Variants in STK10 observed in about 807,000 individuals in gnomAD.
STK10 encodes serine/threonine-protein kinase 10.
A neutral mutation model predicts 113.8 loss-of-function variants in STK10; 78 were observed. That is an observed-to-expected ratio of 0.69 (90% CI 0.57 to 0.83). The LOEUF is 0.83. Among genes scored for constraint, STK10 ranks in the 40% least tolerant of loss-of-function variants. The pLI, the probability that STK10 is intolerant of heterozygous loss-of-function variation, is 0.00. For missense variants in STK10, 1,109 were observed against 1,280.1 expected (o/e 0.87, Z 2.04); for synonymous variants, 465 against 494.7 (o/e 0.94, Z 0.80).
intron 13 of STK10, chr5:172,063,478 T>G (rs1436569038): frequency 6.6e-6 from 1 of 152,206 alleles, no homozygotes; most frequent in Non-Finnish European, 1.5e-5. Flanking sequence ...TGATAACTCC[T>G]TCAGGATTTT....
At chr5:172,087,951 A>G (rs1277552197) in intron 10 of STK10, among the ~76,000 whole-genome samples, 1 of 151,524 alleles carries the variant, frequency 6.6e-6, no homozygotes. Flanking sequence ...TGAGAGATAG[A>G]GTCTTGCTCT....
chr5:172,087,897 G>C (rs1327658506), intron 10 of STK10, among the ~76,000 whole-genome samples: 1 of 147,006 alleles, frequency 6.8e-6, no homozygotes, highest in East Asian at 2.0e-4. Context: ...CAAAGTGCTG[G>C]GATTACAGGC....
Position 172,053,005 on chromosome 5 carries a change from T to A in STK10, c.2690A>T (p.Gln897Leu), listed in dbSNP as rs966730340. The A allele has an allele frequency of 3.1e-5, 50 of 1,614,198 alleles. No homozygotes were observed. Among genetic ancestry groups the A allele is most frequent in the Non-Finnish European group, 4.2e-5 (50 of 1,180,036 alleles). Residue 897 changes from glutamine (Q) to leucine (L), a missense_variant, in exon 18 of 19, where the codon CAG becomes CTG. Physicochemically the swap from Gln to Leu is moderately radical, Grantham distance 113. Around this residue, in one of 5 missense-constraint regions of STK10, gnomAD observed 885 missense variants for 991.1 expected, o/e 0.89. Coordinates refer to ENST00000176763, the MANE Select transcript of STK10 (RefSeq NM_005990.4). ...KCHLLVEHET[Q>L]KLKALDESHN... is the part of the protein sequence containing the mutation. ...GCTCTCATCCAGGGCCTTCAGTTTCTGGGTTTCGTGCTCTACCAGGAGGTG... is the reference window on the plus strand; with the variant it reads ...GCTCTCATCCAGGGCCTTCAGTTTCAGGGTTTCGTGCTCTACCAGGAGGTG...
At chr5:172,090,827 T>TG (rs962807048) in intron 9 of STK10, among the ~76,000 whole-genome samples, 1 of 149,052 alleles carries the variant, frequency 6.7e-6, no homozygotes, top group Admixed American at 6.9e-5. Context: ...CACAGCTACT[T>TG]GGGAGGCTGA....
chr5:172,188,140 C>T lies in STK10; in HGVS notation c.-98G>A. 6.7e-7 allele frequency: 1 copy of T among 1,499,888 alleles called. No homozygotes were observed. Among genetic ancestry groups the T allele is most frequent in the East Asian group, 2.5e-5 (1 of 40,644 alleles). 92.9% of individuals were successfully genotyped at this position (1,499,888 alleles called of 1,614,324 possible). The stretch of plus-strand genomic sequence containing the variant: ...AAGGAGGAGGAGTTGGAGGACGCCG[C>T]GTCTCTCGGGGTTCTCCCCAGACCC... On this transcript the variant is annotated 5_prime_UTR_variant, in exon 1 of 19. Coordinates refer to ENST00000176763, the MANE Select transcript of STK10 (RefSeq NM_005990.4). This position sits in a 1 kb window ranked among gnomAD's most constrained non-coding sequence, Gnocchi z 5.6.
intron 18 of STK10, among the ~76,000 whole-genome samples, chr5:172,051,066 T>A (rs1279520395): frequency 5.3e-5 from 8 of 150,828 alleles, no homozygotes; most frequent in African/African-American, 2.0e-4. Flanking sequence ...TGAACCGAGA[T>A]AGCGCCACTC....
At chr5:172,103,104 G>C (rs116775937) in intron 7 of STK10, among the ~76,000 whole-genome samples, 1 of 152,234 alleles carries the variant, frequency 6.6e-6, no homozygotes, top group Non-Finnish European at 1.5e-5. Context: ...CTTGGAAGCC[G>C]GTAGACACCC....
intron 1 of STK10, among the ~76,000 whole-genome samples, chr5:172,180,999 T>C (rs1344120727): frequency 6.6e-6 from 1 of 152,188 alleles, no homozygotes; most frequent in Non-Finnish European, 1.5e-5. Flanking sequence ...ACGCCGCAGA[T>C]GAATGCAGAA....
chr5:172,104,452 A>G (rs1029268795), intron 7 of STK10, among the ~76,000 whole-genome samples: 1 of 152,226 alleles, frequency 6.6e-6, no homozygotes, highest in Non-Finnish European at 1.5e-5. Context: ...AAAAGCTTCA[A>G]GGAAACCATT....
chr5:172,169,923 G>A (rs1291398938), intron 1 of STK10, among the ~76,000 whole-genome samples: 5 of 152,116 alleles, frequency 3.3e-5, no homozygotes, highest in African/African-American at 7.2e-5. Flanking sequence ...CCAGGCCTTC[G>A]TTTCCTGATG....
intron 2 of STK10, among the ~76,000 whole-genome samples, chr5:172,142,672 G>A (rs963633791): frequency 6.6e-5 from 10 of 152,194 alleles, no homozygotes; most frequent in African/African-American, 2.4e-4. Context: ...ATGTATGTCA[G>A]AACAAAAGAC....
rs145928004 is a variant in STK10 at position 172,053,317 on chromosome 5, C to T, written c.2653-275G>A. 7.6e-5 allele frequency: 27 copies of T among 357,246 alleles called. No individual in the cohort carries two copies. In the Middle Eastern group the frequency reaches 2.6e-3, roughly 34 times the overall value. 22.1% of individuals were successfully genotyped at this position (357,246 alleles called of 1,614,324 possible). On this transcript the variant is annotated intron_variant, in intron 17 of 18. Transcript: ENST00000176763. ...TTTCTGTGAGGATACAGCAAGAAGG[C>T]AGCTGTCCGCAAGCCAGGAAGGGAG...
rs772333955 is a variant in STK10 at position 172,105,699 on chromosome 5, T to A, written c.827A>T (p.Asp276Val). The A allele has an allele frequency of 1.6e-5, 26 of 1,613,706 alleles. No homozygotes were observed. Among genetic ancestry groups the A allele is most frequent in the Non-Finnish European group, 2.2e-5 (26 of 1,180,012 alleles). ...EFRDFLKIAL[D>V]KNPETRPSAA... ...ACTGGGTCGGGTTTCTGGGTTCTTA[T>A]CCAGGGCTATCTTCAGGAAGTCACG... The change falls in exon 7 of 19, where the codon GAT becomes GTT. Residue 276 changes from aspartate to valine, a missense_variant. Asp to Val is a radical substitution (Grantham distance 152, BLOSUM62 -3). Transcript: ENST00000176763.
At chr5:172,112,182 G>A (rs1769251130) in intron 4 of STK10, among the ~76,000 whole-genome samples, 1 of 152,200 alleles carries the variant, frequency 6.6e-6, no homozygotes, top group Admixed American at 6.5e-5. Context: ...ACATGTTGCT[G>A]ACTGACTGAT....
intron 1 of STK10, among the ~76,000 whole-genome samples, chr5:172,185,410 G>C (rs114276481): frequency 4.6e-5 from 7 of 151,968 alleles, no homozygotes; most frequent in African/African-American, 7.2e-5. Context: ...CTGGGATTAC[G>C]GGCATGCATC....
intron 10 of STK10, among the ~76,000 whole-genome samples, chr5:172,086,908 C>G (rs1439211080): frequency 1.3e-5 from 2 of 152,214 alleles, no homozygotes; most frequent in Non-Finnish European, 2.9e-5. Flanking sequence ...CCAGAGAGCA[C>G]TGCTTCTCCA....
rs186113005 is a variant in STK10 at position 172,088,146 on chromosome 5, G to A, written c.1685+2086C>T. On this transcript the variant is annotated intron_variant, in intron 10 of 18. Transcript: ENST00000176763. ...GATGGTCTCGAACTCCTGGGCTCAA[G>A]TGATCCTCTCACTTCAGCCTCCCAA... Among the ~76,000 whole-genome samples, 793 of 152,204 alleles carry A rather than the reference G, an allele frequency of 5.2e-3. 11 individuals are homozygous for A. The highest frequency in any genetic ancestry group is 0.018 in the African/African-American group (761 of 41,520).
chr5:172,135,553 T>C (rs1176764327), intron 2 of STK10, among the ~76,000 whole-genome samples: 1 of 151,958 alleles, frequency 6.6e-6, no homozygotes, highest in Non-Finnish European at 1.5e-5. Context: ...GGCAGGAATA[T>C]GGAGAAATTG....
chr5:172,090,897 T>C (rs116037215), intron 9 of STK10, among the ~76,000 whole-genome samples: 3,198 of 129,032 alleles, frequency 0.025, 60 homozygotes, highest in Admixed American at 0.058. Context: ...ATCACGCCAC[T>C]GCACTCCAGC....
Sources: allele counts gnomAD v4.1 joint callset (sites outside exome capture counted in the v4.1 genomes callset), GRCh38; gene constraint gnomAD v4.1.1; regional missense constraint gnomAD v4.1.1; non-coding constraint Gnocchi (gnomAD v3.1); transcripts MANE v1.5; gene names NCBI Gene and HGNC (gene_info 2026-07-23, HGNC 2026-07-21).